PTPN13: variants seen among roughly 807,000 people sequenced by gnomAD.
PTPN13 encodes the protein tyrosine-protein phosphatase non-receptor type 13.
A neutral mutation model predicts 284.0 loss-of-function variants in PTPN13; 191 were observed. The observed-to-expected ratio is 0.67, with a 90% CI of 0.60 to 0.76. PTPN13 has a LOEUF of 0.76. PTPN13 is among the 30% of genes least tolerant of loss of function. The probability of loss-of-function intolerance (pLI) is 0.00; values close to 1 mark genes in which losing one functional copy is unlikely to be tolerated. For missense variants in PTPN13, 2,797 were observed against 2,939.9 expected, an observed-to-expected ratio of 0.95 and a Z score of 1.12; for synonymous variants, 986 against 1,022.3, an observed-to-expected ratio of 0.96 and a Z score of 0.68.
At chr4:86,684,666 A>ATATTT (rs1346372526) in intron 3 of PTPN13, among the ~76,000 whole-genome samples, 6 of 152,190 alleles carry the variant, frequency 3.9e-5, no homozygotes, top group African/African-American at 1.2e-4. Context: ...CATATATCTG[A>ATATTT]CTAATTTCTA....
intron 7 of PTPN13, among the ~76,000 whole-genome samples, chr4:86,715,777 G>T (rs1274331230): frequency 6.6e-6 from 1 of 152,168 alleles, no homozygotes; most frequent in Non-Finnish European, 1.5e-5. Flanking sequence ...GAGCAAAACT[G>T]CAGAAAGGGG....
rs759499107 is a variant in PTPN13, at chr4:86,750,571, A to G, written c.2752A>G (p.Asn918Asp). ...TGGCAGTCTGGCCAGCAGCACCCTC[A>G]ACAAACTTGCTGTTCGACCTTTATC... Reference protein sequence around the residue: ...STGSLASSTLNKLAVRPLSVQ... With the variant: ...STGSLASSTLDKLAVRPLSVQ... The change falls in exon 18 of 48, where the codon AAC becomes GAC. Residue 918 changes from asparagine (N) to aspartate (D), a missense_variant. By Grantham distance (23) the Asn-to-Asp change is conservative. Coordinates refer to ENST00000411767, the MANE Select transcript of PTPN13 (RefSeq NM_080683.3). The G allele has an allele frequency of 1.1e-5, 17 of 1,613,826 alleles. No individual in the cohort carries two copies. Among genetic ancestry groups the G allele is most frequent in the Admixed American group, 1.7e-5 (1 of 59,996 alleles).
At chr4:86,618,711 T>C (rs1006614863) in intron 1 of PTPN13, among the ~76,000 whole-genome samples, 5 of 152,260 alleles carry the variant, frequency 3.3e-5, no homozygotes, top group Non-Finnish European at 5.9e-5. Context: ...AGTTCACTTA[T>C]GATTTGGCTC....
In PTPN13 at chr4:86,771,631, T is replaced by C. The variant is rs1290928671; in HGVS notation, c.5168+96T>C. The C allele has an allele frequency of 2.3e-6, 3 of 1,285,806 alleles. No homozygotes were observed. The Admixed American group carries it at 7.9e-5, about 34-fold the overall frequency. 79.6% of individuals were successfully genotyped at this position (1,285,806 alleles called of 1,614,324 possible). On this transcript the variant is annotated intron_variant, in intron 31 of 47. Transcript: ENST00000411767. ...TTCTCTTAAGAATGAAATGTATGTA[T>C]CTGTGACCTTCACAGTGGTTAGGCA...
At position 86,734,369 on chromosome 4, in the gene PTPN13, A is replaced by G. The variant is rs1735265980; in HGVS notation, c.1925A>G (p.Glu642Gly). The part of the protein sequence containing the change: ...LTKVAPEGWK[E>G]EPKKKTKATV... ...AAAGTGGCCCCAGAGGGATGGAAAG[A>G]AGAACCAAAGAAAAAGACCAAAGCC... The change falls in exon 13 of 48, where the codon GAA (glutamate) becomes GGA (glycine). Residue 642 changes from glutamate to glycine, a missense_variant. By Grantham distance (98) the Glu-to-Gly change is moderately conservative. Coordinates refer to ENST00000411767, the MANE Select transcript of PTPN13 (RefSeq NM_080683.3). The G allele has an allele frequency of 6.4e-7, 1 of 1,561,874 alleles. No homozygotes were observed. The highest frequency in any genetic ancestry group is 1.4e-5 in the African/African-American group (1 of 73,422).
At chr4:86,608,269 C>G (rs1047794374) in intron 1 of PTPN13, among the ~76,000 whole-genome samples, 1 of 152,034 alleles carries the variant, frequency 6.6e-6, no homozygotes, top group Non-Finnish European at 1.5e-5. Context: ...GTGAAGAATT[C>G]ACTATGTATA....
chr4:86,766,208 C>G (rs953228799), intron 26 of PTPN13, among the ~76,000 whole-genome samples: 4 of 152,252 alleles, frequency 2.6e-5, no homozygotes, highest in East Asian at 1.9e-4. Context: ...TATCTTCTCT[C>G]TTGATTTAAA....
intron 1 of PTPN13, among the ~76,000 whole-genome samples, chr4:86,619,748 T>C (rs1721002088): frequency 6.6e-6 from 1 of 152,016 alleles, no homozygotes; most frequent in African/African-American, 2.4e-5. Flanking sequence ...AGCAAGTTCC[T>C]TTCTTTTTCT....
intron 3 of PTPN13, among the ~76,000 whole-genome samples, chr4:86,675,153 A>G (rs1265657588): frequency 6.6e-6 from 1 of 152,200 alleles, no homozygotes; most frequent in Non-Finnish European, 1.5e-5. Flanking sequence ...GAAAATGACT[A>G]AAGCCACTCT....
intron 37 of PTPN13, among the ~76,000 whole-genome samples, chr4:86,782,651 TCAA>T (rs1279713578): frequency 1.3e-5 from 2 of 152,042 alleles, no homozygotes; most frequent in African/African-American, 4.8e-5. Flanking sequence ...ACCTTCAAGT[TCAA>T]ATCTGTGCAA....
intron 33 of PTPN13, 99 bp downstream of exon 33, chr4:86,774,630 C>A: frequency 9.0e-7 from 1 of 1,106,296 alleles, no homozygotes; most frequent in Non-Finnish European, 1.2e-6. Flanking sequence ...TTTATCTATT[C>A]GGTTTATGCT....
At chr4:86,759,241 G>C (rs757394992) in intron 23 of PTPN13, among the ~76,000 whole-genome samples, 168 bp downstream of exon 23, 38 of 152,226 alleles carry the variant, frequency 2.5e-4, no homozygotes, top group Admixed American at 1.6e-3. Flanking sequence ...CAGAGATAGA[G>C]TCATTTATCA....
chr4:86,757,574 A>G (rs1002992457), intron 20 of PTPN13, among the ~76,000 whole-genome samples: 2 of 151,956 alleles, frequency 1.3e-5, no homozygotes, highest in African/African-American at 4.8e-5. Context: ...GTTCAAGACC[A>G]GTCTGGGCAA....
In PTPN13 at chr4:86,796,907, G is replaced by T; in HGVS notation, c.6379G>T (p.Glu2127Ter). 1 of 1,488,458 alleles carries T rather than the reference G, an allele frequency of 6.7e-7. No individual in the cohort carries two copies. The highest frequency in any genetic ancestry group is 9.3e-7 in the Non-Finnish European group (1 of 1,080,192). 92.2% of individuals were successfully genotyped at this position (1,488,458 alleles called of 1,614,324 possible). A position where few individuals can be genotyped will look rare whatever the true frequency, so the allele number is the denominator to read the frequency against. Residue 2127 changes from glutamate (E) to a stop codon, truncating the protein, a stop_gained, in exon 41 of 48, where the codon GAA becomes TAA. Coordinates refer to ENST00000411767, the MANE Select transcript of PTPN13 (RefSeq NM_080683.3). LOFTEE classifies it high-confidence loss of function. ...AATGAATGGCTGTGAAGAATATTGTGAAGAAAAAGTAAAAAGTGAAAGGTG... is the reference window on the plus strand; with the variant it reads ...AATGAATGGCTGTGAAGAATATTGTTAAGAAAAAGTAAAAAGTGAAAGGTG... ...TKMNGCEEYC[E>*]EKVKSESLIQ...
chr4:86,694,013 T>C (rs1730317148), intron 6 of PTPN13, among the ~76,000 whole-genome samples: 1 of 152,022 alleles, frequency 6.6e-6, no homozygotes, highest in Non-Finnish European at 1.5e-5. Flanking sequence ...CACATGTATA[T>C]GTTTATGAAC....
At chr4:86,639,371 C>T (rs374469319) in intron 2 of PTPN13, among the ~76,000 whole-genome samples, 15 of 152,058 alleles carry the variant, frequency 9.9e-5, no homozygotes, top group Non-Finnish European at 1.8e-4. Flanking sequence ...TAAAGACACA[C>T]GCACACATAT....
At chr4:86,782,027 G>A (rs1741373814) in intron 36 of PTPN13, among the ~76,000 whole-genome samples, 174 bp from the exon 37 acceptor site, 1 of 151,316 alleles carries the variant, frequency 6.6e-6, no homozygotes, top group Non-Finnish European at 1.5e-5. Context: ...TTAGAGGTTT[G>A]GAATCAAATA....
intron 17 of PTPN13, among the ~76,000 whole-genome samples, chr4:86,746,232 GAT>G (rs1440208156): frequency 6.6e-6 from 1 of 152,156 alleles, no homozygotes; most frequent in Non-Finnish European, 1.5e-5. Flanking sequence ...ATTTCAGAGA[GAT>G]AAAACTGATT....
At chr4:86,732,571 C>A (rs1169099878) in intron 11 of PTPN13, 21 bp from the exon 12 acceptor site, 2 of 1,601,020 alleles carry the variant, frequency 1.2e-6, no homozygotes, top group African/African-American at 1.3e-5. Flanking sequence ...TAATAAATGC[C>A]GTTTATTTTT....
Sources: allele counts gnomAD v4.1 joint callset (sites outside exome capture counted in the v4.1 genomes callset), GRCh38; gene constraint gnomAD v4.1.1; transcripts MANE v1.5; gene names NCBI Gene and HGNC (gene_info 2026-07-23, HGNC 2026-07-21).